Variants in PRKACB observed in about 807,000 individuals in gnomAD.
The protein encoded by PRKACB is cAMP-dependent protein kinase catalytic subunit beta.
PRKACB carries 16 observed loss-of-function variants against 51.4 expected under a neutral mutation model. The ratio of observed to expected loss-of-function variants is 0.31; its 90% CI spans 0.21 to 0.47. The LOEUF is 0.47. Among genes scored for constraint, PRKACB ranks in the 20% least tolerant of loss-of-function variants. The pLI is 1.00. For synonymous variants in PRKACB, 147 were observed against 154.4 expected (o/e 0.95, Z 0.35); for missense variants, 309 against 464.5 (o/e 0.67, Z 3.08).
At chr1:84,149,878 T>C (rs1325916043) in intron 1 of PRKACB, among the ~76,000 whole-genome samples, 2 of 152,080 alleles carry the variant, frequency 1.3e-5, no homozygotes, top group African/African-American at 4.8e-5. Flanking sequence ...CTTTTTGGAG[T>C]TAATTATTAT....
intron 1 of PRKACB, among the ~76,000 whole-genome samples, chr1:84,158,121 G>T (rs981336309): frequency 1.3e-5 from 2 of 151,492 alleles, no homozygotes; most frequent in Admixed American, 6.6e-5. Context: ...TGTCACCCAG[G>T]CTGGAGTGCA....
At chr1:84,103,377 G>A (rs968398354) in intron 1 of PRKACB, among the ~76,000 whole-genome samples, 4 of 147,078 alleles carry the variant, frequency 2.7e-5, no homozygotes, top group African/African-American at 1.0e-4. Flanking sequence ...CCAACATGCT[G>A]TTCAAAGCCC....
intron 1 of PRKACB, among the ~76,000 whole-genome samples, chr1:84,128,475 A>G (rs999451565): frequency 1.3e-5 from 2 of 152,190 alleles, no homozygotes; most frequent in African/African-American, 4.8e-5. Context: ...GTTTTTAAAA[A>G]TCTTGTTTGA....
intron 9 of PRKACB, among the ~76,000 whole-genome samples, chr1:84,223,386 T>G (rs1674060113): frequency 6.7e-6 from 1 of 148,432 alleles, no homozygotes; most frequent in African/African-American, 2.5e-5. Context: ...TTGTTTTTTT[T>G]GAAATGGTGT....
At chr1:84,153,915 G>A (rs1655137559) in intron 1 of PRKACB, among the ~76,000 whole-genome samples, 1 of 152,058 alleles carries the variant, frequency 6.6e-6, no homozygotes, top group Admixed American at 6.6e-5. Flanking sequence ...TCATATGATA[G>A]TTCATTTTTA....
chr1:84,175,035 T>G (rs761693708), intron 1 of PRKACB: 2 of 1,471,898 alleles, frequency 1.4e-6, no homozygotes, highest in South Asian at 2.9e-5. Context: ...GACACAAGCT[T>G]GCTCCTCTTC....
chr1:84,154,919 A>G (rs1655285369), intron 1 of PRKACB, among the ~76,000 whole-genome samples: 1 of 152,142 alleles, frequency 6.6e-6, no homozygotes, highest in African/African-American at 2.4e-5. Context: ...CCCTCAGCTA[A>G]CATCTTAATA....
At chr1:84,171,878 G>T (rs1659609322) in intron 1 of PRKACB, among the ~76,000 whole-genome samples, 1 of 151,412 alleles carries the variant, frequency 6.6e-6, no homozygotes, top group African/African-American at 2.4e-5. Flanking sequence ...CTATACATCA[G>T]CAACAAACAA....
intron 1 of PRKACB, among the ~76,000 whole-genome samples, chr1:84,087,672 A>C (rs1648123597): frequency 6.6e-6 from 1 of 151,956 alleles, no homozygotes; most frequent in African/African-American, 2.4e-5. Context: ...TGTACCATCG[A>C]GGCTTGTTTT....
intron 8 of PRKACB, among the ~76,000 whole-genome samples, chr1:84,210,705 A>G (rs1304023833): frequency 6.6e-5 from 10 of 152,162 alleles, no homozygotes; most frequent in Non-Finnish European, 1.3e-4. Context: ...GAAAAATTAG[A>G]TAGTCGCTCT....
At chr1:84,108,552 A>C (rs898669568) in intron 1 of PRKACB, among the ~76,000 whole-genome samples, 9 of 152,054 alleles carry the variant, frequency 5.9e-5, no homozygotes, top group Non-Finnish European at 1.0e-4. Context: ...TATAGTGCTT[A>C]TTGTATACCA....
chr1:84,210,540 A>C (rs1463943321), intron 8 of PRKACB, among the ~76,000 whole-genome samples: 1 of 152,166 alleles, frequency 6.6e-6, no homozygotes, highest in Admixed American at 6.6e-5. Context: ...TGGTAGCCTC[A>C]CAGGAGCTCA....
intron 1 of PRKACB, among the ~76,000 whole-genome samples, chr1:84,178,625 T>TA (rs1252570127): frequency 6.6e-6 from 1 of 152,064 alleles, no homozygotes; most frequent in African/African-American, 2.4e-5. Context: ...GTTCTGTTTT[T>TA]AAGTCTTTGT....
chr1:84,217,329 C>T (rs1211603738), intron 9 of PRKACB, among the ~76,000 whole-genome samples: 2 of 151,522 alleles, frequency 1.3e-5, no homozygotes, highest in African/African-American at 4.8e-5. Flanking sequence ...TGTCTTTTTA[C>T]TTTTTTTTTC....
chr1:84,135,068 G>A (rs1297907762), intron 1 of PRKACB, among the ~76,000 whole-genome samples: 2 of 152,126 alleles, frequency 1.3e-5, no homozygotes, highest in Non-Finnish European at 2.9e-5. Flanking sequence ...AAAAAGGAGC[G>A]AGATGGAGAA....
intron 9 of PRKACB, among the ~76,000 whole-genome samples, chr1:84,222,788 C>T (rs927568815): frequency 2.6e-5 from 4 of 152,096 alleles, no homozygotes; most frequent in Admixed American, 6.5e-5. Context: ...AGTAGTTTAT[C>T]GTTGGTGGCA....
intron 9 of PRKACB, among the ~76,000 whole-genome samples, chr1:84,225,174 C>G (rs550733839): frequency 6.6e-6 from 1 of 152,228 alleles, no homozygotes; most frequent in African/African-American, 2.4e-5. Context: ...TTCCTAGGCC[C>G]CTGGATAAAA....
At chr1:84,082,056 G>T (rs1196261405) in intron 1 of PRKACB, among the ~76,000 whole-genome samples, 1 of 152,178 alleles carries the variant, frequency 6.6e-6, no homozygotes, top group South Asian at 2.1e-4. Context: ...AATGCTTTCC[G>T]TGTATAAACT....
chr1:84,086,085 TTGA>T (rs1368460572), intron 1 of PRKACB: 13 of 1,335,614 alleles, frequency 9.7e-6, no homozygotes, highest in African/African-American at 1.4e-5. Context: ...AAGGTGTATA[TTGA>T]TGACCACACA....
Sources: gnomAD v4.1 joint callset for allele counts (sites outside exome capture counted in the v4.1 genomes callset) on GRCh38, gnomAD v4.1.1 for gene constraint, MANE v1.5 for transcripts, NCBI Gene and HGNC (gene_info 2026-07-23, HGNC 2026-07-21) for gene names.